Variants in QSER1 observed in about 807,000 individuals in gnomAD.
The protein encoded by QSER1 is glutamine and serine-rich protein 1.
A neutral mutation model predicts 158.5 loss-of-function variants in QSER1; 49 were observed. The ratio of observed to expected loss-of-function variants is 0.31; its 90% confidence interval spans 0.25 to 0.39. The LOEUF is 0.39. QSER1 is among the 10% of genes least tolerant of loss of function. The pLI, the probability that QSER1 is intolerant of heterozygous loss-of-function variation, is 1.00. For synonymous variants in QSER1, 650 were observed against 715.5 expected (o/e 0.91, Z 1.46); for missense variants, 1,754 against 2,010.3 (o/e 0.87, Z 2.44).
rs544970878 is a variant in QSER1, at chr11:32,893,257, A to AGCCGCC, written c.145_150dup (p.Ala49_Ala50dup). ...CCCCAGCCTGGGCGTACGAACCCCGAGCCGCCGCCGCCGCCGCCAGCAGCA... is the reference window on the plus strand; with the variant it reads ...CCCCAGCCTGGGCGTACGAACCCCGAGCCGCCGCCGCCGCCGCCGCCGCCAGCAGCA... On this transcript the variant is annotated inframe_insertion, in exon 1 of 13. Coordinates refer to ENST00000650167, the MANE Select transcript of QSER1 (RefSeq NM_001076786.3). The surrounding 1 kb of genome is among the most constrained non-coding windows in gnomAD (Gnocchi z 4.7). The AGCCGCC allele has an allele frequency of 9.3e-5, 13 of 139,534 alleles. No homozygotes were observed. The highest frequency in any genetic ancestry group is 3.5e-4 in the African/African-American group (13 of 36,778). 8.6% of individuals were successfully genotyped at this position (139,534 alleles called of 1,614,324 possible).
At chr11:32,906,584 T>C (rs1286278869) in intron 1 of QSER1, among the ~76,000 whole-genome samples, 2 of 151,916 alleles carry the variant, frequency 1.3e-5, no homozygotes, top group Non-Finnish European at 2.9e-5. Flanking sequence ...ATATTTTTGT[T>C]TTTGTTCATT....
At chr11:32,944,556 T>C (rs1465300379) in intron 4 of QSER1, among the ~76,000 whole-genome samples, 2 of 152,154 alleles carry the variant, frequency 1.3e-5, no homozygotes, top group African/African-American at 4.8e-5. Context: ...TTGAGTGAGA[T>C]TCTTAAACCT....
Position 32,934,059 on chromosome 11 carries a change from T to G in QSER1, c.2801T>G (p.Leu934Ter). The change falls in exon 4 of 13, where the codon TTA (leucine) becomes TGA (stop). Residue 934 changes from leucine (L) to a stop codon, truncating the protein, a stop_gained. Coordinates refer to ENST00000650167, the MANE Select transcript of QSER1 (RefSeq NM_001076786.3). LOFTEE classifies it high-confidence loss of function. ...GACCTCTCTGAGTCTTCAAAACCAT[T>G]ACAACAACATCTAACAACAAAGGGC... is the stretch of plus-strand genomic sequence containing the variant. ...KMDLSESSKPLQQHLTTKGHF... is the reference protein window; with the variant it reads ...KMDLSESSKP The G allele has an allele frequency of 6.2e-7, 1 of 1,613,906 alleles. No individual in the cohort carries two copies. The highest frequency in any genetic ancestry group is 8.5e-7 in the Non-Finnish European group (1 of 1,179,962).
intron 2 of QSER1, among the ~76,000 whole-genome samples, chr11:32,927,546 T>TC (rs1267558340): frequency 2.0e-5 from 3 of 152,190 alleles, no homozygotes; most frequent in African/African-American, 7.2e-5. Flanking sequence ...TAGCTGGGAC[T>TC]ACAGGCACCT....
intron 1 of QSER1, among the ~76,000 whole-genome samples, chr11:32,914,400 C>T (rs1041830931): frequency 6.6e-6 from 1 of 152,080 alleles, no homozygotes; most frequent in African/African-American, 2.4e-5. Flanking sequence ...AAAACTGTAA[C>T]AATATTTTCA....
chr11:32,957,389 C>T (rs1218927183), intron 7 of QSER1, among the ~76,000 whole-genome samples: 1 of 152,088 alleles, frequency 6.6e-6, no homozygotes, highest in African/African-American at 2.4e-5. Context: ...GATCCACCCA[C>T]CTCAGCCTCC....
At chr11:32,945,390 A>T (rs1852312862) in intron 4 of QSER1, among the ~76,000 whole-genome samples, 1 of 150,708 alleles carries the variant, frequency 6.6e-6, no homozygotes, top group South Asian at 2.1e-4. Flanking sequence ...GTTCCTTTCC[A>T]TGTTTAGCGC....
intron 1 of QSER1, among the ~76,000 whole-genome samples, chr11:32,898,461 G>A (rs1256168939): frequency 1.3e-5 from 2 of 148,506 alleles, no homozygotes; most frequent in African/African-American, 2.5e-5. Flanking sequence ...ACTTCAGTGT[G>A]AGCGACAGAG....
At chr11:32,974,789 C>T (rs1267015454) in intron 11 of QSER1, among the ~76,000 whole-genome samples, 2 of 151,910 alleles carry the variant, frequency 1.3e-5, no homozygotes, top group Non-Finnish European at 2.9e-5. Context: ...TTAGTTAGGT[C>T]AAAAAACACG....
chr11:32,899,352 A>G (rs147612321), intron 1 of QSER1, among the ~76,000 whole-genome samples: 132 of 152,266 alleles, frequency 8.7e-4, no homozygotes, highest in African/African-American at 3.1e-3. Context: ...ATGAAGGGTA[A>G]GTTTGTGATT....
In QSER1 at chr11:32,977,096, T is replaced by C. The variant is rs1343099769; in HGVS notation, c.*622T>C. The C allele has an allele frequency of 6.5e-6, 1 of 152,676 alleles. No homozygotes were observed. The highest frequency in any genetic ancestry group is 1.5e-5 in the Non-Finnish European group (1 of 68,050). The allele number at this position is 152,676 out of a possible 1,614,324, so 9.5% of individuals were successfully genotyped here. A position where few individuals can be genotyped will look rare whatever the true frequency, so the allele number is the denominator to read the frequency against. ...TCTGACTGCTTTTTGTGTCAAATTA[T>C]ATTGTGATAAAAAAACAATGACATA... On this transcript the variant is annotated 3_prime_UTR_variant, in exon 13 of 13. Coordinates refer to ENST00000650167, the MANE Select transcript of QSER1 (RefSeq NM_001076786.3).
chr11:32,896,261 G>A (rs904384199), intron 1 of QSER1, among the ~76,000 whole-genome samples: 21 of 152,162 alleles, frequency 1.4e-4, no homozygotes, highest in African/African-American at 5.1e-4. Context: ...GAGGCAGGCT[G>A]TTTTATGGTG....
chr11:32,975,545 C>T (rs1471670263), intron 12 of QSER1: 1 of 1,426,492 alleles, frequency 7.0e-7, no homozygotes, highest in East Asian at 3.1e-5. Flanking sequence ...CGAGCCTCAC[C>T]ACCTCTTGTA....
chr11:32,934,738 CAG>C lies in QSER1; in HGVS notation c.3481_3482del (p.Ser1161TrpfsTer8). 1 of 1,613,804 alleles carries C rather than the reference CAG, an allele frequency of 6.2e-7. No individual in the cohort carries two copies. The highest frequency in any genetic ancestry group is 8.5e-7 in the Non-Finnish European group (1 of 1,179,890). Reference sequence around the variant, plus strand: ...GTGAATTTACCTTAGGGGGTGACGACAGTGGTGTGTCAATGAACCCAGCTAGG... The same window carrying C: ...GTGAATTTACCTTAGGGGGTGACGACTGGTGTGTCAATGAACCCAGCTAGG... ...ESEFTLGGDD[S>X]GVSMNPARSA... On this transcript the variant is annotated frameshift_variant, in exon 4 of 13. Coordinates refer to ENST00000650167, the MANE Select transcript of QSER1 (RefSeq NM_001076786.3). LOFTEE classifies it high-confidence loss of function.
intron 1 of QSER1, among the ~76,000 whole-genome samples, chr11:32,901,884 G>T (rs1274540162): frequency 6.6e-6 from 1 of 152,214 alleles, no homozygotes. Context: ...AGGAGTTTGA[G>T]ACCAGCCTGG....
intron 1 of QSER1, among the ~76,000 whole-genome samples, chr11:32,903,266 A>C (rs1851647594): frequency 6.6e-6 from 1 of 151,896 alleles, no homozygotes; most frequent in African/African-American, 2.4e-5. Context: ...CAGAGATTTT[A>C]ACTGAAGCAC....
At chr11:32,975,516 T>A in intron 12 of QSER1, 173 bp downstream of exon 12, 1 of 1,471,232 alleles carries the variant, frequency 6.8e-7, no homozygotes, top group Non-Finnish European at 9.0e-7. Context: ...CTCTGCTATG[T>A]TTTGTGCTCA....
chr11:32,924,076 A>C (rs1257260829), intron 1 of QSER1, among the ~76,000 whole-genome samples: 1 of 152,220 alleles, frequency 6.6e-6, no homozygotes, highest in Non-Finnish European at 1.5e-5. Context: ...CATACCATAC[A>C]CACAAAAAGA....
intron 3 of QSER1, among the ~76,000 whole-genome samples, chr11:32,928,358 T>C (rs1438857349): frequency 1.3e-5 from 2 of 152,196 alleles, no homozygotes; most frequent in African/African-American, 4.8e-5. Context: ...GAGGGGTAGA[T>C]AATGATTAAA....
Sources: gnomAD v4.1 joint callset for allele counts (sites outside exome capture counted in the v4.1 genomes callset) on GRCh38, gnomAD v4.1.1 for gene constraint, Gnocchi (gnomAD v3.1) non-coding constraint, MANE v1.5 for transcripts, NCBI Gene and HGNC (gene_info 2026-07-23, HGNC 2026-07-21) for gene names.